USP32: variants seen among roughly 807,000 people sequenced by gnomAD.
USP32 encodes ubiquitin carboxyl-terminal hydrolase 32.
Under a neutral mutation model 204.8 loss-of-function variants are expected in USP32, and 59 were observed. The ratio of observed to expected loss-of-function variants is 0.29; its 90% CI spans 0.23 to 0.36. The LOEUF is 0.36. USP32 is among the 10% of genes least tolerant of loss of function. USP32 has a pLI of 1.00. For synonymous variants in USP32, 517 were observed against 678.4 expected (o/e 0.76, Z 3.70); for missense variants, 1,160 against 1,946.4 (o/e 0.60, Z 7.60).
chr17:60,232,168 CTTTTTT>C (rs58707657), intron 12 of USP32, among the ~76,000 whole-genome samples: 75 of 109,474 alleles, frequency 6.9e-4, no homozygotes, highest in African/African-American at 2.6e-3. Flanking sequence ...TTTTCTTTTT[CTTTTTT>C]TTTTTTTTTT....
intron 1 of USP32, among the ~76,000 whole-genome samples, chr17:60,399,105 G>A (rs1309349014): frequency 1.3e-5 from 2 of 152,148 alleles, no homozygotes; most frequent in African/African-American, 4.8e-5. Context: ...GAAGCCTAGG[G>A]AATGTGAATC....
chr17:60,203,387 C>T (rs1242688230), intron 26 of USP32, among the ~76,000 whole-genome samples: 6 of 101,254 alleles, frequency 5.9e-5, no homozygotes, highest in African/African-American at 2.8e-4. Flanking sequence ...GGCGACAGAG[C>T]GAGACTGTCA....
chr17:60,199,961 C>T lies in USP32; in HGVS notation c.3250-1517G>A, dbSNP rs373688349. 1.9e-3 allele frequency among the ~76,000 whole-genome samples: 291 copies of T among 152,088 alleles called. 1 individual carries two copies. Among genetic ancestry groups the T allele is most frequent in the African/African-American group, 4.8e-3 (200 of 41,496 alleles). On this transcript the variant is annotated intron_variant, in intron 26 of 33. Transcript: ENST00000300896. Reference sequence around the variant, plus strand: ...CTGTAATCCCAGCACTTCAGGAGGCCGAGGCGGGCGGATCATGAGGTCAGG... The same window carrying T: ...CTGTAATCCCAGCACTTCAGGAGGCTGAGGCGGGCGGATCATGAGGTCAGG...
At chr17:60,329,892 T>C (rs1039508409) in intron 2 of USP32, among the ~76,000 whole-genome samples, 1 of 152,234 alleles carries the variant, frequency 6.6e-6, no homozygotes, top group Non-Finnish European at 1.5e-5. Context: ...TTTAGGTCTA[T>C]TTAAATACAC....
At chr17:60,305,977 C>T (rs1598222142) in intron 2 of USP32, among the ~76,000 whole-genome samples, 1 of 152,096 alleles carries the variant, frequency 6.6e-6, no homozygotes, top group East Asian at 1.9e-4. Flanking sequence ...CAAAAATCAC[C>T]ATTTCCTAAG....
intron 29 of USP32, 107 bp from the exon 30 acceptor site, chr17:60,185,758 T>C: frequency 1.5e-6 from 2 of 1,325,816 alleles, no homozygotes; most frequent in Non-Finnish European, 1.0e-6. Context: ...TTACTCTATA[T>C]AAGGAAAAAG....
chr17:60,234,098 C>T (rs1420577558), intron 12 of USP32, among the ~76,000 whole-genome samples: 1 of 151,604 alleles, frequency 6.6e-6, no homozygotes. Context: ...TACAGGCGCA[C>T]ACTACCAAGC....
chr17:60,187,838 T>C (rs933285689), intron 29 of USP32, among the ~76,000 whole-genome samples: 6 of 152,242 alleles, frequency 3.9e-5, no homozygotes, highest in African/African-American at 1.2e-4. Context: ...AAATTACTTA[T>C]AGGCACCCTC....
chr17:60,336,642 G>C (rs1284927854), intron 2 of USP32, among the ~76,000 whole-genome samples: 4 of 146,772 alleles, frequency 2.7e-5, no homozygotes, highest in African/African-American at 2.7e-5. Context: ...CGTGAACCCG[G>C]GAGGCGGAGC....
At chr17:60,215,748 C>CA (rs1425967665) in intron 16 of USP32, among the ~76,000 whole-genome samples, 1 of 152,070 alleles carries the variant, frequency 6.6e-6, no homozygotes, top group East Asian at 1.9e-4. Context: ...CATAGCCAAA[C>CA]AGAGTTTTTT....
At chr17:60,398,415 AAAAG>A (rs2089913875) in intron 1 of USP32, among the ~76,000 whole-genome samples, 1 of 151,858 alleles carries the variant, frequency 6.6e-6, no homozygotes, top group African/African-American at 2.4e-5. Flanking sequence ...AAAAGAAAAA[AAAAG>A]GTGTTTTGGC....
intron 12 of USP32, among the ~76,000 whole-genome samples, chr17:60,228,665 TA>T (rs901978684): frequency 2.7e-5 from 4 of 150,336 alleles, no homozygotes; most frequent in South Asian, 2.1e-4. Flanking sequence ...AAAAAAATAT[TA>T]AAAAAAAATA....
At chr17:60,358,419 A>G (rs1441515801) in intron 1 of USP32, among the ~76,000 whole-genome samples, 1 of 151,924 alleles carries the variant, frequency 6.6e-6, no homozygotes, top group African/African-American at 2.4e-5. Flanking sequence ...TACCAAAAAT[A>G]CAAAAATTAG....
At chr17:60,375,982 T>C (rs2089532847) in intron 1 of USP32, among the ~76,000 whole-genome samples, 1 of 152,212 alleles carries the variant, frequency 6.6e-6, no homozygotes, top group Non-Finnish European at 1.5e-5. Context: ...CAAAAAATAG[T>C]AGTCAAAATA....
At chr17:60,201,590 T>C (rs1204855092) in intron 26 of USP32, among the ~76,000 whole-genome samples, 1 of 152,106 alleles carries the variant, frequency 6.6e-6, no homozygotes, top group African/African-American at 2.4e-5. Flanking sequence ...ATTTTACCTG[T>C]TCAGGTGAGT....
At chr17:60,179,515 T>A in intron 33 of USP32, 87 bp from the exon 34 acceptor site, 1 of 1,532,362 alleles carries the variant, frequency 6.5e-7, no homozygotes, top group South Asian at 1.2e-5. Context: ...CAACCCTCTG[T>A]AATTACTAAA....
At chr17:60,345,797 T>A (rs138193471) in intron 1 of USP32, among the ~76,000 whole-genome samples, 189 bp from the exon 2 acceptor site, 1 of 151,974 alleles carries the variant, frequency 6.6e-6, no homozygotes, top group African/African-American at 2.4e-5. Flanking sequence ...GCCTGGACAA[T>A]GTGGCGAAAC....
chr17:60,301,716 T>A lies in USP32; in HGVS notation c.187-12A>T, dbSNP rs1467459915. 1 of 1,563,430 alleles carries A rather than the reference T, an allele frequency of 6.4e-7. No individual in the cohort carries two copies. On this transcript the variant is annotated splice_polypyrimidine_tract_variant and intron_variant, in intron 2 of 33. Coordinates refer to ENST00000300896, the MANE Select transcript of USP32 (RefSeq NM_032582.4). Reference sequence around the variant, plus strand: ...GAACAGTAAATCACCTGGAAAAAGATGATAAAGCCAACCTTAGGAGGCATT... The same window carrying A: ...GAACAGTAAATCACCTGGAAAAAGAAGATAAAGCCAACCTTAGGAGGCATT...
chr17:60,281,637 G>A (rs1381426199), intron 5 of USP32, among the ~76,000 whole-genome samples: 1 of 152,086 alleles, frequency 6.6e-6, no homozygotes, highest in Non-Finnish European at 1.5e-5. Context: ...GCCTTATAAG[G>A]TAAATTGTAT....
Sources: allele counts gnomAD v4.1 joint callset (sites outside exome capture counted in the v4.1 genomes callset), GRCh38; gene constraint gnomAD v4.1.1; transcripts MANE v1.5; gene names NCBI Gene and HGNC (gene_info 2026-07-23, HGNC 2026-07-21).